Variants in RELN observed in about 807,000 individuals in gnomAD.
RELN encodes the protein reelin.
A neutral mutation model predicts 427.6 loss-of-function variants in RELN; 108 were observed. That is an observed-to-expected ratio of 0.25 (90% CI 0.22 to 0.30). The LOEUF is 0.30. Among genes scored for constraint, RELN ranks in the 10% least tolerant of loss-of-function variants. The pLI is 1.00. For missense variants in RELN, 3,715 were observed against 4,302.8 expected (o/e 0.86, Z 3.82); for synonymous variants, 1,524 against 1,513.4 (o/e 1.01, Z -0.16).
At chr7:103,518,446 C>T (rs975979071) in intron 49 of RELN, among the ~76,000 whole-genome samples, 1 of 149,736 alleles carries the variant, frequency 6.7e-6, no homozygotes, top group East Asian at 2.0e-4. Context: ...AATCCTCTTG[C>T]CTCAGCCTCC....
At chr7:103,578,334 A>C (rs1189400649) in intron 28 of RELN, among the ~76,000 whole-genome samples, 3 of 152,186 alleles carry the variant, frequency 2.0e-5, no homozygotes. Flanking sequence ...TTAGATTTAA[A>C]AAAGAAAAAC....
chr7:103,484,139 C>T, intron 61 of RELN: 2 of 411,936 alleles, frequency 4.9e-6, no homozygotes, highest in Non-Finnish European at 9.0e-6. Flanking sequence ...CTCGGCCTCC[C>T]AAAGTGCTGG....
At chr7:103,738,708 G>A (rs1185688705) in intron 6 of RELN, among the ~76,000 whole-genome samples, 2 of 107,124 alleles carry the variant, frequency 1.9e-5, no homozygotes, top group Non-Finnish European at 3.5e-5. Flanking sequence ...TTTTGAGACA[G>A]AGGCTCACTC....
intron 2 of RELN, among the ~76,000 whole-genome samples, chr7:103,861,067 G>A (rs918921067): frequency 1.3e-5 from 2 of 152,110 alleles, no homozygotes; most frequent in African/African-American, 4.8e-5. Context: ...AGTAATGACA[G>A]AGTAGGATGT....
chr7:103,515,816 T>C (rs1479843948), intron 49 of RELN, among the ~76,000 whole-genome samples: 1 of 152,156 alleles, frequency 6.6e-6, no homozygotes, highest in African/African-American at 2.4e-5. Flanking sequence ...AGTGCTTGGC[T>C]TCTTCTGCTT....
intron 17 of RELN, 92 bp from the exon 18 acceptor site, chr7:103,636,560 G>T: frequency 1.2e-6 from 1 of 819,528 alleles, no homozygotes; most frequent in Non-Finnish European, 2.1e-6. Context: ...CCAGAGACTA[G>T]GATTTGATTG....
chr7:103,525,709 T>A (rs1829808927), intron 46 of RELN, among the ~76,000 whole-genome samples: 1 of 150,668 alleles, frequency 6.6e-6, no homozygotes, highest in Non-Finnish European at 1.5e-5. Context: ...TTTTTTTTTT[T>A]AGACTATAAG....
intron 45 of RELN, among the ~76,000 whole-genome samples, chr7:103,536,746 A>G (rs1409113608): frequency 6.6e-6 from 1 of 152,202 alleles, no homozygotes; most frequent in African/African-American, 2.4e-5. Flanking sequence ...TTGCCCAGCT[A>G]TGGGCATTCT....
In RELN at chr7:103,504,839, C is replaced by T. The variant is rs190816700; in HGVS notation, c.8275-1609G>A. On this transcript the variant is annotated intron_variant, in intron 51 of 64. Coordinates refer to ENST00000428762, the MANE Select transcript of RELN (RefSeq NM_005045.4). ...GTAAGATTCACTGGCTTGAAATTCT[C>T]GCTGCCAACACAGCAGTCTGAGGTC... 6.1e-3 allele frequency among the ~76,000 whole-genome samples: 935 copies of T among 152,314 alleles called. 3 individuals carry two copies. The highest frequency in any genetic ancestry group is 0.01 in the Non-Finnish European group (691 of 68,032).
chr7:103,935,217 C>T (rs545736881), intron 1 of RELN, among the ~76,000 whole-genome samples: 63 of 152,276 alleles, frequency 4.1e-4, no homozygotes, highest in African/African-American at 1.5e-3. Flanking sequence ...CTTTTGCCTC[C>T]ATACTGCTGC....
chr7:103,931,383 ATT>A (rs1356975104), intron 1 of RELN, among the ~76,000 whole-genome samples: 2 of 152,178 alleles, frequency 1.3e-5, no homozygotes, highest in Non-Finnish European at 2.9e-5. Context: ...TCTATAAAGC[ATT>A]TGAGTCTTCA....
At chr7:103,749,803 A>G (rs1454529879) in intron 5 of RELN, among the ~76,000 whole-genome samples, 1 of 152,218 alleles carries the variant, frequency 6.6e-6, no homozygotes, top group African/African-American at 2.4e-5. Flanking sequence ...AGGAGAGGCT[A>G]TTCGGGACTT....
chr7:103,476,470 G>C lies in RELN; in HGVS notation c.10286+1919C>G, dbSNP rs1160159329. Among the ~76,000 whole-genome samples, 9 of 152,194 alleles carry C rather than the reference G, an allele frequency of 5.9e-5. No homozygotes were observed. The East Asian group carries it at 1.7e-3, about 29-fold the overall frequency. On this transcript the variant is annotated intron_variant, in intron 64 of 64. Coordinates refer to ENST00000428762, the MANE Select transcript of RELN (RefSeq NM_005045.4). ...ACTCCAGCCTGGGGCGACACGGTGA[G>C]ACTCTGTCTCAAAAAACAAACAAAC... is the stretch of plus-strand genomic sequence containing the variant.
chr7:103,794,625 G>C (rs1246053833), intron 3 of RELN, among the ~76,000 whole-genome samples: 2 of 152,172 alleles, frequency 1.3e-5, no homozygotes, highest in East Asian at 3.9e-4. Context: ...CATATGAAAT[G>C]ATGCAATTCC....
At chr7:103,503,647 A>G (rs1829110005) in intron 51 of RELN, among the ~76,000 whole-genome samples, 1 of 152,208 alleles carries the variant, frequency 6.6e-6, no homozygotes. Flanking sequence ...TCAATACAAC[A>G]CTTTCAACGA....
chr7:103,791,423 G>C (rs1792158723), intron 3 of RELN, among the ~76,000 whole-genome samples: 1 of 152,158 alleles, frequency 6.6e-6, no homozygotes, highest in Admixed American at 6.5e-5. Flanking sequence ...GAACAGAATT[G>C]AGAGTCCAGT....
intron 10 of RELN, among the ~76,000 whole-genome samples, chr7:103,689,833 C>A (rs1833837214): frequency 6.6e-6 from 1 of 152,176 alleles, no homozygotes; most frequent in Non-Finnish European, 1.5e-5. Context: ...CAGCTCCAGG[C>A]TGACGCTCTG....
intron 2 of RELN, among the ~76,000 whole-genome samples, chr7:103,889,649 T>C (rs779508112): frequency 6.6e-5 from 10 of 151,982 alleles, no homozygotes; most frequent in Non-Finnish European, 1.5e-4. Flanking sequence ...ACCTGACAGA[T>C]TGAGAAAGGG....
At chr7:103,543,368 G>A (rs180934421) in intron 42 of RELN, among the ~76,000 whole-genome samples, 4 of 152,192 alleles carry the variant, frequency 2.6e-5, no homozygotes, top group African/African-American at 9.7e-5. Flanking sequence ...CTTTAAGGCT[G>A]GGTGCGGTGG....
Sources: gnomAD v4.1 joint callset for allele counts (sites outside exome capture counted in the v4.1 genomes callset) on GRCh38, gnomAD v4.1.1 for gene constraint, MANE v1.5 for transcripts, NCBI Gene and HGNC (gene_info 2026-07-23, HGNC 2026-07-21) for gene names.